ZNF169: variants seen among roughly 807,000 people sequenced by gnomAD.
The protein encoded by ZNF169 is zinc finger protein 169.
Under a neutral mutation model 12.0 loss-of-function variants are expected in ZNF169, and 11 were observed. The ratio of observed to expected loss-of-function variants is 0.92; its 90% CI spans 0.58 to 1.52. The LOEUF (loss-of-function observed/expected upper bound fraction) is 1.52. ZNF169 is among the 40% of genes most tolerant of loss of function. The pLI, the probability that ZNF169 is intolerant of heterozygous loss-of-function variation, is 0.00. For missense variants in ZNF169, 722 were observed against 744.0 expected (o/e 0.97, Z 0.34); for synonymous variants, 302 against 286.5 (o/e 1.05, Z -0.55).
At chr9:94,295,092 C>G (rs1830924574) in intron 4 of ZNF169, 1 of 152,182 alleles carries the variant, frequency 6.6e-6, no homozygotes, top group Non-Finnish European at 1.5e-5. Flanking sequence ...CTTTGAGAGG[C>G]TGAGGTGGGT....
Position 94,301,182 on chromosome 9 carries a change from T to C in ZNF169, c.1624T>C (p.Cys542Arg). 1 of 1,614,236 alleles carries C rather than the reference T, an allele frequency of 6.2e-7. No homozygotes were observed. Among genetic ancestry groups the C allele is most frequent in the South Asian group, 1.1e-5 (1 of 91,086 alleles). The change falls in exon 5 of 5, where the codon TGC becomes CGC. Residue 542 changes from cysteine to arginine, a missense_variant. Transcript: ENST00000395395. Reference protein sequence around the residue: ...DQRTHSGEKPCICDECGRGFG... With the variant: ...DQRTHSGEKPRICDECGRGFG... ...AAGGACACACTCAGGAGAGAAGCCC[T>C]GCATTTGCGATGAATGTGGGCGCGG...
At chr9:94,287,971 T>C in intron 2 of ZNF169, 1 of 812,950 alleles carries the variant, frequency 1.2e-6, no homozygotes, top group East Asian at 2.5e-5. Flanking sequence ...TTCTAGTAAA[T>C]GGAGCTGCCA....
At chr9:94,270,745 T>TTTATATAATATTATATA (rs1830384650) in intron 1 of ZNF169, among the ~76,000 whole-genome samples, 16 of 91,452 alleles carry the variant, frequency 1.7e-4, no homozygotes, top group Non-Finnish European at 2.8e-4. Flanking sequence ...AATTAATGTA[T>TTTATATAATATTATATA]TTATATAATA....
At chr9:94,282,686 A>C (rs915652232) in intron 2 of ZNF169, among the ~76,000 whole-genome samples, 4 of 151,820 alleles carry the variant, frequency 2.6e-5, no homozygotes, top group Admixed American at 6.6e-5. Flanking sequence ...TCCTTTCATA[A>C]CCCCTTCATT....
chr9:94,277,270 G>C (rs573724965), intron 1 of ZNF169, among the ~76,000 whole-genome samples: 1 of 152,266 alleles, frequency 6.6e-6, no homozygotes, highest in South Asian at 2.1e-4. Context: ...TTGTGCAGAG[G>C]AAGCTCTCAG....
At position 94,292,376 on chromosome 9, in the gene ZNF169, C is replaced by G. The variant is rs768323852; in HGVS notation, c.69C>G (p.Phe23Leu). The change falls in exon 3 of 5, where the codon TTC becomes TTG. Residue 23 changes from phenylalanine to leucine, a missense_variant. Phe to Leu is a conservative substitution (Grantham distance 22, BLOSUM62 0). Transcript: ENST00000395395. ...LMAFRDVAVA[F>L]TQKEWKLLSS... ...CCTTCCGGGATGTGGCTGTGGCCTT[C>G]ACCCAGAAGGAGTGGAAGCTATTGA... 6.2e-7 allele frequency: 1 copy of G among 1,614,136 alleles called. No individual in the cohort carries two copies. The highest frequency in any genetic ancestry group is 8.5e-7 in the Non-Finnish European group (1 of 1,180,026).
In ZNF169 at chr9:94,301,101, G is replaced by A. The variant is rs773811687; in HGVS notation, c.1543G>A (p.Val515Ile). 2.8e-5 allele frequency: 45 copies of A among 1,613,870 alleles called. No homozygotes were observed. Among genetic ancestry groups the A allele is most frequent in the African/African-American group, 2.0e-4 (15 of 74,858 alleles). Reference sequence around the variant, plus strand: ...GACACACTCAGAGGAGGAGCTTTACGTAGACAGGGTGTGTGGACAAGGACT... The same window carrying A: ...GACACACTCAGAGGAGGAGCTTTACATAGACAGGGTGTGTGGACAAGGACT... ...QRTHSEEELY[V>I]DRVCGQGLGQ... The change falls in exon 5 of 5, where the codon GTA (valine) becomes ATA (isoleucine). Residue 515 changes from valine (V) to isoleucine (I), a missense_variant. By Grantham distance (29) the Val-to-Ile change is conservative. Transcript: ENST00000395395.
chr9:94,272,539 TTTC>T (rs1248232402), intron 1 of ZNF169, among the ~76,000 whole-genome samples: 1 of 152,154 alleles, frequency 6.6e-6, no homozygotes, highest in African/African-American at 2.4e-5. Flanking sequence ...ATGCAATATT[TTTC>T]TTTTTGTGAC....
At chr9:94,299,429 G>A in intron 4 of ZNF169, 1 of 675,632 alleles carries the variant, frequency 1.5e-6, no homozygotes, top group Non-Finnish European at 2.1e-6. Context: ...ATCATAATCA[G>A]TCTGTTTCTT....
chr9:94,298,447 G>A (rs1311587865), intron 4 of ZNF169, among the ~76,000 whole-genome samples: 3 of 151,838 alleles, frequency 2.0e-5, no homozygotes, highest in East Asian at 2.0e-4. Context: ...TTGGGAGGCC[G>A]AGGCAGGCGG....
chr9:94,295,654 CA>C (rs1469510903), intron 4 of ZNF169: 9 of 152,166 alleles, frequency 5.9e-5, no homozygotes, highest in Non-Finnish European at 1.2e-4. Context: ...CTGGATTATA[CA>C]GGATACAACT....
chr9:94,280,633 G>C lies in ZNF169; in HGVS notation c.33+1788G>C, dbSNP rs112937842. Among the ~76,000 whole-genome samples the C allele has an allele frequency of 3.9e-3, 595 of 152,330 alleles. 2 individuals are homozygous for C. Among genetic ancestry groups the C allele is most frequent in the African/African-American group, 0.013 (525 of 41,580 alleles). ...TAGAATGGTGCAACTCGCGAATGGA[G>C]TAATGGTGAGAGCACACCTGGGCAA... On this transcript the variant is annotated intron_variant, in intron 2 of 4. Coordinates refer to ENST00000395395, the MANE Select transcript of ZNF169 (RefSeq NM_194320.4).
intron 2 of ZNF169, among the ~76,000 whole-genome samples, chr9:94,286,318 G>A (rs1830718801): frequency 6.6e-6 from 1 of 152,108 alleles, no homozygotes. Context: ...TACTGATTTT[G>A]TTTTGCATCC....
chr9:94,275,342 G>A (rs1830500736), intron 1 of ZNF169, among the ~76,000 whole-genome samples: 1 of 152,218 alleles, frequency 6.6e-6, no homozygotes, highest in African/African-American at 2.4e-5. Context: ...GTTGGGGACT[G>A]TAGTCCTTTG....
rs59027045 is a variant in ZNF169, at chr9:94,291,047, C to CTTTTTTT, written c.34-1275_34-1269dup. 9.2e-4 allele frequency among the ~76,000 whole-genome samples: 55 copies of CTTTTTTT among 59,592 alleles called. 2 individuals carry two copies. Among genetic ancestry groups the CTTTTTTT allele is most frequent in the East Asian group, 3.7e-3 (8 of 2,138 alleles). The allele number at this position is 59,592 out of a possible 152,430, so 39.1% of individuals were successfully genotyped here. A position where few individuals can be genotyped will look rare whatever the true frequency, so the allele number is the denominator to read the frequency against. On this transcript the variant is annotated intron_variant, in intron 2 of 4. Transcript: ENST00000395395. ...TGATTCTGGTCTATGGAACAGTATT[C>CTTTTTTT]TTTTTTTTTTTTTTTTTTTTTTTTT...
intron 4 of ZNF169, chr9:94,294,639 A>G (rs1324027111): frequency 6.6e-6 from 1 of 152,130 alleles, no homozygotes; most frequent in Non-Finnish European, 1.5e-5. Flanking sequence ...TTATCCATCT[A>G]TTCAGCTGGA....
At chr9:94,293,102 A>T (rs1233977655) in intron 4 of ZNF169, 33 bp downstream of exon 4, 6 of 1,576,346 alleles carry the variant, frequency 3.8e-6, no homozygotes, top group Non-Finnish European at 4.4e-6. Flanking sequence ...GCGAGGGTGC[A>T]GGGCAGTGAG....
chr9:94,282,305 C>T (rs970494910), intron 2 of ZNF169, among the ~76,000 whole-genome samples: 4 of 152,162 alleles, frequency 2.6e-5, no homozygotes, highest in Non-Finnish European at 5.9e-5. Context: ...ATGGCAGCCT[C>T]AGGAAGTCCT....
At chr9:94,285,336 T>C (rs1286978758) in intron 2 of ZNF169, among the ~76,000 whole-genome samples, 1 of 151,618 alleles carries the variant, frequency 6.6e-6, no homozygotes, top group Non-Finnish European at 1.5e-5. Context: ...AAGAAATGAG[T>C]GAACTAGAAG....
Sources: gnomAD v4.1 joint callset for allele counts (sites outside exome capture counted in the v4.1 genomes callset) on GRCh38, gnomAD v4.1.1 for gene constraint, MANE v1.5 for transcripts, NCBI Gene and HGNC (gene_info 2026-07-23, HGNC 2026-07-21) for gene names.